Variants in MARCHF1 observed in about 807,000 individuals in gnomAD.
The protein encoded by MARCHF1 is E3 ubiquitin-protein ligase MARCHF1.
MARCHF1 carries 40 observed loss-of-function variants against 54.2 expected under a neutral mutation model. The observed-to-expected ratio is 0.74, with a 90% CI of 0.57 to 0.96. The LOEUF is 0.96. Among genes scored for constraint, MARCHF1 ranks in the 40% least tolerant of loss-of-function variants. The pLI is 0.00. For missense variants in MARCHF1, 586 were observed against 656.5 expected, an observed-to-expected ratio of 0.89 and a Z score of 1.17; for synonymous variants, 236 against 236.3, an observed-to-expected ratio of 1.00 and a Z score of 0.01.
intron 4 of MARCHF1, among the ~76,000 whole-genome samples, chr4:163,820,931 A>G (rs1343545116): frequency 1.3e-5 from 2 of 152,022 alleles, no homozygotes; most frequent in East Asian, 3.9e-4. Flanking sequence ...AAATGCAAAC[A>G]TAATGTAATC....
At chr4:163,958,882 C>T (rs561540444) in intron 3 of MARCHF1, among the ~76,000 whole-genome samples, 1 of 151,950 alleles carries the variant, frequency 6.6e-6, no homozygotes, top group African/African-American at 2.4e-5. Context: ...CTTCCGAATC[C>T]AGGCTTTAAA....
chr4:163,602,774 C>T (rs575785860), intron 7 of MARCHF1, among the ~76,000 whole-genome samples: 1 of 152,130 alleles, frequency 6.6e-6, no homozygotes, highest in African/African-American at 2.4e-5. Context: ...ACTTGTAGAA[C>T]AGACTTTGAC....
chr4:163,939,782 G>C (rs1751873421), intron 3 of MARCHF1, among the ~76,000 whole-genome samples: 1 of 152,116 alleles, frequency 6.6e-6, no homozygotes, highest in African/African-American at 2.4e-5. Flanking sequence ...TAATTACACA[G>C]CATTTTTCAG....
At chr4:163,911,441 G>A (rs905894620) in intron 3 of MARCHF1, among the ~76,000 whole-genome samples, 1 of 152,142 alleles carries the variant, frequency 6.6e-6, no homozygotes, top group African/African-American at 2.4e-5. Flanking sequence ...TATTACTGAG[G>A]AGAAAAGTTC....
chr4:164,244,898 A>G (rs1039609571), intron 1 of MARCHF1, among the ~76,000 whole-genome samples: 3 of 151,958 alleles, frequency 2.0e-5, no homozygotes, highest in African/African-American at 7.2e-5. Context: ...CTCTCCCAAG[A>G]CTAAACCAGG....
chr4:164,222,131 C>A (rs1732130877), intron 1 of MARCHF1, among the ~76,000 whole-genome samples: 1 of 151,800 alleles, frequency 6.6e-6, no homozygotes, highest in Admixed American at 6.6e-5. Context: ...TTAATTCAAT[C>A]TACTAGGTGG....
chr4:163,745,307 G>A (rs1456627060), intron 4 of MARCHF1, among the ~76,000 whole-genome samples: 1 of 151,880 alleles, frequency 6.6e-6, no homozygotes, highest in Non-Finnish European at 1.5e-5. Flanking sequence ...TAGAGACAGG[G>A]TTTCATCATC....
chr4:164,063,311 G>A (rs1754660601), intron 2 of MARCHF1, among the ~76,000 whole-genome samples: 1 of 152,196 alleles, frequency 6.6e-6, no homozygotes, highest in African/African-American at 2.4e-5. Context: ...TCTTCCAATA[G>A]AAAGCTGTTC....
intron 4 of MARCHF1, among the ~76,000 whole-genome samples, chr4:163,711,205 T>C (rs190080266): frequency 1.3e-5 from 2 of 152,290 alleles, no homozygotes; most frequent in African/African-American, 4.8e-5. Context: ...TTTCATTCTG[T>C]AAATTTAATT....
intron 1 of MARCHF1, among the ~76,000 whole-genome samples, chr4:164,270,384 T>C (rs1579677483): frequency 6.6e-6 from 1 of 152,144 alleles, no homozygotes; most frequent in African/African-American, 2.4e-5. Flanking sequence ...ACTTTAAGAG[T>C]CTTCATTTAT....
chr4:164,057,505 A>G (rs530611887), intron 2 of MARCHF1, among the ~76,000 whole-genome samples: 1 of 152,334 alleles, frequency 6.6e-6, no homozygotes, highest in South Asian at 2.1e-4. Context: ...ATATAAGAAT[A>G]TATGTTTTGT....
At chr4:164,106,772 TA>T (rs1403860912) in intron 2 of MARCHF1, among the ~76,000 whole-genome samples, 539 of 48,016 alleles carry the variant, frequency 0.011, 5 homozygotes, top group East Asian at 0.045. Flanking sequence ...ATAATAAAAA[TA>T]AAAAATAAAA....
At chr4:163,674,353 A>G (rs1743838137) in intron 5 of MARCHF1, among the ~76,000 whole-genome samples, 1 of 152,198 alleles carries the variant, frequency 6.6e-6, no homozygotes, top group Non-Finnish European at 1.5e-5. Flanking sequence ...AAGAAAAAAA[A>G]TGTGATGGGC....
At chr4:164,075,099 C>A (rs1754949930) in intron 2 of MARCHF1, among the ~76,000 whole-genome samples, 1 of 151,984 alleles carries the variant, frequency 6.6e-6, no homozygotes, top group African/African-American at 2.4e-5. Context: ...AGAAAAGCAG[C>A]CTCTGTTATC....
chr4:163,654,736 T>C (rs1008278298), intron 5 of MARCHF1, among the ~76,000 whole-genome samples: 8 of 151,688 alleles, frequency 5.3e-5, no homozygotes, highest in African/African-American at 1.4e-4. Flanking sequence ...ATCATCAGTG[T>C]CTTTCTTAGA....
chr4:163,719,456 G>C (rs1450429021), intron 4 of MARCHF1, among the ~76,000 whole-genome samples: 1 of 152,156 alleles, frequency 6.6e-6, no homozygotes, highest in African/African-American at 2.4e-5. Context: ...TTGGTTCCAA[G>C]TCTTTGCTAT....
intron 1 of MARCHF1, among the ~76,000 whole-genome samples, chr4:164,125,491 T>C (rs1756160664): frequency 6.6e-6 from 1 of 152,134 alleles, no homozygotes; most frequent in Non-Finnish European, 1.5e-5. Context: ...AAAATGTACA[T>C]CAAGAGATCT....
chr4:163,651,536 T>G lies in MARCHF1; in HGVS notation c.163-38143A>C, dbSNP rs1408339548. Among the ~76,000 whole-genome samples, 7 of 151,236 alleles carry G rather than the reference T, an allele frequency of 4.6e-5. No homozygotes were observed. The East Asian group carries it at 1.4e-3, about 29-fold the overall frequency. ...TTTCAAGTACCATACTTTTTTTTTT[T>G]TTTTTTTTACTGCAATAGACTTTCT... is the stretch of plus-strand genomic sequence containing the variant. On this transcript the variant is annotated intron_variant, in intron 5 of 9. Coordinates refer to ENST00000514618, the MANE Select transcript of MARCHF1 (RefSeq NM_001394959.1).
chr4:164,019,628 G>C (rs1213972883), intron 2 of MARCHF1, among the ~76,000 whole-genome samples: 1 of 152,288 alleles, frequency 6.6e-6, no homozygotes, highest in Middle Eastern at 3.4e-3. Flanking sequence ...TTGACACTTC[G>C]TGGATATGGC....
Sources: allele counts gnomAD v4.1 joint callset (sites outside exome capture counted in the v4.1 genomes callset), GRCh38; gene constraint gnomAD v4.1.1; transcripts MANE v1.5; gene names NCBI Gene and HGNC (gene_info 2026-07-23, HGNC 2026-07-21).